TMEM135: variants seen among roughly 807,000 people sequenced by gnomAD.
TMEM135 encodes the protein transmembrane protein 135, also known as peroxisomal membrane protein 52.
In TMEM135, 30 loss-of-function variants were observed where a neutral mutation model predicts 60.3. The ratio of observed to expected loss-of-function variants is 0.50; its 90% CI spans 0.37 to 0.68. TMEM135 has a LOEUF of 0.68. Among genes scored for constraint, TMEM135 ranks in the 30% least tolerant of loss-of-function variants. The pLI, the probability that TMEM135 is intolerant of heterozygous loss-of-function variation, is 0.00. For missense variants in TMEM135, 468 were observed against 548.8 expected (o/e 0.85, Z 1.47); for synonymous variants, 190 against 186.7 (o/e 1.02, Z -0.14).
In TMEM135 at chr11:87,216,686, G is replaced by A. The variant is rs1417807916; in HGVS notation, c.463-19952G>A. On this transcript the variant is annotated intron_variant, in intron 5 of 14. Transcript: ENST00000305494. ...TTAGATAATTGGACTTGTTGGCTGA[G>A]TTTTGGATATGTGATGTTAATTATA... is the stretch of plus-strand genomic sequence containing the variant. Among the ~76,000 whole-genome samples the A allele has an allele frequency of 2.6e-5, 4 of 152,150 alleles. No individual in the cohort carries two copies. The East Asian group carries it at 7.7e-4, about 29-fold the overall frequency.
chr11:87,207,839 C>T (rs1046872651), intron 5 of TMEM135, among the ~76,000 whole-genome samples: 10 of 152,144 alleles, frequency 6.6e-5, no homozygotes, highest in Admixed American at 4.6e-4. Flanking sequence ...TGTGCTCTTG[C>T]CAGTAGTCTG....
intron 5 of TMEM135, among the ~76,000 whole-genome samples, chr11:87,177,674 C>T (rs868044916): frequency 1.2e-4 from 18 of 152,170 alleles, no homozygotes; most frequent in Non-Finnish European, 1.6e-4. Flanking sequence ...CTTTTTGTCT[C>T]TTTTTTTCCA....
At chr11:87,078,877 C>T (rs1856927001) in intron 3 of TMEM135, among the ~76,000 whole-genome samples, 1 of 152,176 alleles carries the variant, frequency 6.6e-6, no homozygotes, top group Non-Finnish European at 1.5e-5. Context: ...CTGCTTCCAC[C>T]TCCCAAAGTA....
Position 87,321,908 on chromosome 11 carries a change from T to TG in TMEM135, c.*578dup, listed in dbSNP as rs571553440. 1.2e-4 allele frequency: 54 copies of TG among 454,334 alleles called. No individual in the cohort carries two copies. Among genetic ancestry groups the TG allele is most frequent in the Admixed American group, 1.9e-4 (8 of 42,528 alleles). 28.1% of individuals were successfully genotyped at this position (454,334 alleles called of 1,614,324 possible). A position where few individuals can be genotyped will look rare whatever the true frequency, so the allele number is the denominator to read the frequency against. On this transcript the variant is annotated 3_prime_UTR_variant, in exon 15 of 15. Coordinates refer to ENST00000305494, the MANE Select transcript of TMEM135 (RefSeq NM_022918.4). Reference sequence around the variant, plus strand: ...CATTCTTACTTCAGGGATGCAAAGATGGGTCTCATACCATTTGGATAAATG... The same window carrying TG: ...CATTCTTACTTCAGGGATGCAAAGATGGGGTCTCATACCATTTGGATAAATG...
At chr11:87,094,265 C>T (rs1857273045) in intron 4 of TMEM135, among the ~76,000 whole-genome samples, 1 of 152,162 alleles carries the variant, frequency 6.6e-6, no homozygotes, top group Non-Finnish European at 1.5e-5. Flanking sequence ...TTACATATGG[C>T]TAGACTTCCT....
chr11:87,306,615 G>T lies in TMEM135; in HGVS notation c.768+610G>T, dbSNP rs182612683. On this transcript the variant is annotated intron_variant, in intron 9 of 14. Coordinates refer to ENST00000305494, the MANE Select transcript of TMEM135 (RefSeq NM_022918.4). ...CTTCCTCTTCCCCTGCTGTTGTGTTGTCCCTCCTCCCTTCCCCCATCACCA... is the reference window on the plus strand; with the variant it reads ...CTTCCTCTTCCCCTGCTGTTGTGTTTTCCCTCCTCCCTTCCCCCATCACCA... Among the ~76,000 whole-genome samples, 3 of 152,122 alleles carry T rather than the reference G, an allele frequency of 2.0e-5. No individual in the cohort carries two copies. In the East Asian group the frequency reaches 5.8e-4, roughly 29 times the overall value.
intron 1 of TMEM135, among the ~76,000 whole-genome samples, chr11:87,044,345 G>C (rs1949776132): frequency 6.6e-6 from 1 of 152,058 alleles, no homozygotes; most frequent in Non-Finnish European, 1.5e-5. Flanking sequence ...GTTTTCTAGA[G>C]GCTACAAGAC....
chr11:87,191,369 A>C (rs1327909848), intron 5 of TMEM135, among the ~76,000 whole-genome samples: 3 of 151,814 alleles, frequency 2.0e-5, no homozygotes, highest in Non-Finnish European at 4.4e-5. Flanking sequence ...GCCTCCTGAG[A>C]AGCTGGGACT....
Position 87,323,040 on chromosome 11 carries a change from T to C in TMEM135, c.*1707T>C, listed in dbSNP as rs903686271. ...GCCCTGAGAACTGCACCTCATTTTC[T>C]TTATCCAGAAATTGTGCTTATATAT... On this transcript the variant is annotated 3_prime_UTR_variant, in exon 15 of 15. Transcript: ENST00000305494. The C allele has an allele frequency of 4.4e-6, 2 of 454,258 alleles. No individual in the cohort carries two copies. The highest frequency in any genetic ancestry group is 4.0e-5 in the African/African-American group (2 of 50,014). The allele number at this position is 454,258 out of a possible 1,614,324, so 28.1% of individuals were successfully genotyped here.
In TMEM135 at chr11:87,328,199, T is replaced by G. The variant is rs1229242672; in HGVS notation, c.*6866T>G. ...CTGTATAGATCAGATCTCAGTTTCA[T>G]TTCCCATTATATCCTTCTCTCTCTT... On this transcript the variant is annotated 3_prime_UTR_variant, in exon 15 of 15. Coordinates refer to ENST00000305494, the MANE Select transcript of TMEM135 (RefSeq NM_022918.4). 1 of 454,128 alleles carries G rather than the reference T, an allele frequency of 2.2e-6. No individual in the cohort carries two copies. Among genetic ancestry groups the G allele is most frequent in the Non-Finnish European group, 4.4e-6 (1 of 226,794 alleles). 28.1% of individuals were successfully genotyped at this position (454,128 alleles called of 1,614,324 possible).
intron 5 of TMEM135, among the ~76,000 whole-genome samples, chr11:87,231,114 C>T (rs753925459): frequency 1.4e-4 from 22 of 152,060 alleles, no homozygotes; most frequent in Admixed American, 6.6e-5. Flanking sequence ...AGGCATGGAT[C>T]AAAGAGGCGT....
intron 3 of TMEM135, among the ~76,000 whole-genome samples, chr11:87,078,491 A>G (rs1856919008): frequency 6.6e-6 from 1 of 152,176 alleles, no homozygotes; most frequent in Non-Finnish European, 1.5e-5. Flanking sequence ...TGCCAGATAT[A>G]ATTTGCAAAT....
chr11:87,166,096 C>T (rs984492518), intron 5 of TMEM135, among the ~76,000 whole-genome samples: 2 of 151,410 alleles, frequency 1.3e-5, no homozygotes, highest in Non-Finnish European at 2.9e-5. Flanking sequence ...TGGCAATAAT[C>T]AATAGCTTAC....
chr11:87,109,453 A>G (rs1028856911), intron 4 of TMEM135, among the ~76,000 whole-genome samples: 2 of 152,210 alleles, frequency 1.3e-5, no homozygotes, highest in Non-Finnish European at 2.9e-5. Context: ...TGTCTCTGAG[A>G]ATTCCTTGGT....
At chr11:87,218,292 C>G (rs1413839290) in intron 5 of TMEM135, among the ~76,000 whole-genome samples, 3 of 152,166 alleles carry the variant, frequency 2.0e-5, no homozygotes, top group African/African-American at 7.2e-5. Context: ...TAAAACTTAT[C>G]TGGGCCTGAA....
intron 4 of TMEM135, among the ~76,000 whole-genome samples, chr11:87,099,754 C>T (rs1167259864): frequency 7.1e-6 from 1 of 140,496 alleles, no homozygotes; most frequent in Non-Finnish European, 1.5e-5. Flanking sequence ...GTGATCTTGG[C>T]TCACTGCAAC....
At chr11:87,310,659 C>T (rs960163265) in intron 10 of TMEM135, among the ~76,000 whole-genome samples, 1 of 150,704 alleles carries the variant, frequency 6.6e-6, no homozygotes, top group Non-Finnish European at 1.5e-5. Context: ...AACATATACA[C>T]ACACAGAGGA....
chr11:87,163,858 G>A (rs1022235067), intron 5 of TMEM135, among the ~76,000 whole-genome samples: 13 of 143,486 alleles, frequency 9.1e-5, no homozygotes, highest in Admixed American at 4.2e-4. Flanking sequence ...GTCTGTTCAT[G>A]TCCTTCGCCC....
intron 4 of TMEM135, among the ~76,000 whole-genome samples, chr11:87,145,940 C>T (rs1938402797): frequency 6.6e-6 from 1 of 152,016 alleles, no homozygotes; most frequent in Admixed American, 6.6e-5. Flanking sequence ...GATGTAATTC[C>T]CATTTGTCTA....
Sources: allele counts gnomAD v4.1 joint callset (sites outside exome capture counted in the v4.1 genomes callset), GRCh38; gene constraint gnomAD v4.1.1; transcripts MANE v1.5; gene names NCBI Gene and HGNC (gene_info 2026-07-23, HGNC 2026-07-21).